The following ANKS1B variants were observed in gnomAD, a reference collection of about 807,000 sequenced individuals.
ANKS1B encodes the protein ankyrin repeat and sterile alpha motif domain containing 1B, also known as ankyrin repeat and sterile alpha motif domain-containing protein 1B.
In ANKS1B, 36 loss-of-function variants were observed where a neutral mutation model predicts 148.3. That is an observed-to-expected ratio of 0.24 (90% CI 0.19 to 0.32). ANKS1B has a LOEUF of 0.32. Ranked by LOEUF, ANKS1B falls within the 10% of genes least tolerant of loss-of-function variation. The probability of loss-of-function intolerance (pLI) is 1.00; values close to 1 mark genes in which losing one functional copy is unlikely to be tolerated. For missense variants in ANKS1B, 1,157 were observed against 1,542.6 expected, an observed-to-expected ratio of 0.75 and a Z score of 4.19; for synonymous variants, 542 against 560.8, an observed-to-expected ratio of 0.97 and a Z score of 0.47.
At chr12:99,270,615 A>T (rs1215263624) in intron 12 of ANKS1B, among the ~76,000 whole-genome samples, 2 of 152,178 alleles carry the variant, frequency 1.3e-5, no homozygotes, top group Admixed American at 1.3e-4. Context: ...GGTCCTTATA[A>T]TATCCTGTCT....
intron 12 of ANKS1B, among the ~76,000 whole-genome samples, chr12:99,259,803 C>G (rs1197333717): frequency 6.6e-6 from 1 of 152,246 alleles, no homozygotes; most frequent in Non-Finnish European, 1.5e-5. Context: ...CAACCACTAA[C>G]TTCTTTGTTT....
chr12:98,859,800 C>T (rs2099589383), intron 17 of ANKS1B, among the ~76,000 whole-genome samples: 1 of 152,134 alleles, frequency 6.6e-6, no homozygotes, highest in Admixed American at 6.5e-5. Context: ...AATGGGAAAG[C>T]TCTCTAAATT....
chr12:99,648,072 C>T, intron 9 of ANKS1B: 2 of 1,486,798 alleles, frequency 1.3e-6, no homozygotes, highest in Non-Finnish European at 1.8e-6. Context: ...AACACGACTG[C>T]TGGCCCACCT....
At chr12:98,854,529 T>C (rs1020852891) in intron 17 of ANKS1B, among the ~76,000 whole-genome samples, 17 of 152,126 alleles carry the variant, frequency 1.1e-4, no homozygotes, top group African/African-American at 4.1e-4. Context: ...AGGAAACAAG[T>C]TCAGGGAGGT....
At chr12:99,277,527 T>C (rs1273223115) in intron 12 of ANKS1B, among the ~76,000 whole-genome samples, 1 of 152,216 alleles carries the variant, frequency 6.6e-6, no homozygotes, top group Non-Finnish European at 1.5e-5. Context: ...TCTAAAGCTA[T>C]GTGTACACAT....
rs1224253992 is a variant in ANKS1B at position 98,751,940 on chromosome 12, A to G, written c.3580-418T>C. Among the ~76,000 whole-genome samples the G allele has an allele frequency of 6.6e-6, 1 of 152,248 alleles. No individual in the cohort carries two copies. The highest frequency in any genetic ancestry group is 1.9e-4 in the East Asian group (1 of 5,196). Reference sequence around the variant, plus strand: ...CTCTGCTCATGTGAGATAAATGCATATCAGATTGCTTCCCCTGTCCTGTTG... The same window carrying G: ...CTCTGCTCATGTGAGATAAATGCATGTCAGATTGCTTCCCCTGTCCTGTTG... On this transcript the variant is annotated intron_variant, in intron 25 of 26. Coordinates refer to ENST00000683438, the MANE Select transcript of ANKS1B (RefSeq NM_001352186.2). This position sits in a 1 kb window ranked among gnomAD's most constrained non-coding sequence, Gnocchi z 4.3.
At chr12:99,654,473 C>G (rs2098440449) in intron 9 of ANKS1B, among the ~76,000 whole-genome samples, 1 of 152,144 alleles carries the variant, frequency 6.6e-6, no homozygotes, top group African/African-American at 2.4e-5. Flanking sequence ...TTAGTCATTT[C>G]TGAAACTCCT....
At chr12:99,551,404 T>G (rs569423726) in intron 9 of ANKS1B, among the ~76,000 whole-genome samples, 3 of 152,196 alleles carry the variant, frequency 2.0e-5, no homozygotes, top group Admixed American at 6.5e-5. Flanking sequence ...ATCAAAGCAC[T>G]TTTCACATTG....
intron 17 of ANKS1B, among the ~76,000 whole-genome samples, chr12:98,956,747 T>C (rs137880665): frequency 3.9e-4 from 60 of 152,280 alleles, no homozygotes; most frequent in Admixed American, 3.2e-3. Context: ...CTTACAGTCG[T>C]CATACAGTAA....
At chr12:98,771,210 TC>T (rs2098560669) in intron 25 of ANKS1B, among the ~76,000 whole-genome samples, 1 of 152,100 alleles carries the variant, frequency 6.6e-6, no homozygotes, top group Non-Finnish European at 1.5e-5. Context: ...CACTCTGTAG[TC>T]CAGGCTGGAA....
chr12:99,266,913 T>C (rs2076502008), intron 12 of ANKS1B, among the ~76,000 whole-genome samples: 1 of 152,186 alleles, frequency 6.6e-6, no homozygotes, highest in African/African-American at 2.4e-5. Flanking sequence ...CAATAGTCCC[T>C]GTCAAAACGT....
At chr12:99,526,952 G>T (rs1270303481) in intron 9 of ANKS1B, among the ~76,000 whole-genome samples, 1 of 152,200 alleles carries the variant, frequency 6.6e-6, no homozygotes, top group Non-Finnish European at 1.5e-5. Context: ...GAAATCTGGA[G>T]ACAGACTTGT....
At chr12:98,814,730 C>G (rs2099125519) in intron 19 of ANKS1B, among the ~76,000 whole-genome samples, 1 of 152,114 alleles carries the variant, frequency 6.6e-6, no homozygotes, top group Non-Finnish European at 1.5e-5. Flanking sequence ...ATTGCAAAGC[C>G]TCATTTAGTT....
intron 4 of ANKS1B, among the ~76,000 whole-genome samples, chr12:99,797,425 A>G (rs2066384742): frequency 6.6e-6 from 1 of 151,994 alleles, no homozygotes; most frequent in African/African-American, 2.4e-5. Context: ...ATTTTACAAG[A>G]AAGTAGGAAG....
At chr12:99,180,611 T>C (rs749258847) in intron 14 of ANKS1B, among the ~76,000 whole-genome samples, 2 of 150,940 alleles carry the variant, frequency 1.3e-5, no homozygotes, top group Non-Finnish European at 2.9e-5. Flanking sequence ...TGGGGAAAGT[T>C]CTTTGAGGGA....
At chr12:99,730,563 A>G (rs1337734662) in intron 8 of ANKS1B, among the ~76,000 whole-genome samples, 1 of 152,152 alleles carries the variant, frequency 6.6e-6, no homozygotes, top group African/African-American at 2.4e-5. Flanking sequence ...GCATCTCATG[A>G]GTGGGGAGCT....
chr12:99,088,765 C>T (rs1242545168), intron 15 of ANKS1B, among the ~76,000 whole-genome samples: 3 of 150,654 alleles, frequency 2.0e-5, no homozygotes, highest in Non-Finnish European at 2.9e-5. Flanking sequence ...CCCATTCTTC[C>T]TAGGGAGCTG....
At position 98,894,910 on chromosome 12, in the gene ANKS1B, C is replaced by G. The variant is rs1406125733; in HGVS notation, c.2779-62774G>C. On this transcript the variant is annotated intron_variant, in intron 17 of 26. Coordinates refer to ENST00000683438, the MANE Select transcript of ANKS1B (RefSeq NM_001352186.2). Reference sequence around the variant, plus strand: ...CGCGCCCCCCACTGCCCCCGCCCCCCGCGCGGCGCGTGCCCCCCACCCCCC... The same window carrying G: ...CGCGCCCCCCACTGCCCCCGCCCCCGGCGCGGCGCGTGCCCCCCACCCCCC... 8 of 951,104 alleles carry G rather than the reference C, an allele frequency of 8.4e-6. No individual in the cohort carries two copies. The African/African-American group carries it at 8.9e-5, about 11-fold the overall frequency. 58.9% of individuals were successfully genotyped at this position (951,104 alleles called of 1,614,324 possible). A position where few individuals can be genotyped will look rare whatever the true frequency, so the allele number is the denominator to read the frequency against.
At chr12:99,850,369 CTTAT>C (rs1171512155) in intron 1 of ANKS1B, among the ~76,000 whole-genome samples, 1 of 149,002 alleles carries the variant, frequency 6.7e-6, no homozygotes, top group Non-Finnish European at 1.5e-5. Flanking sequence ...CCTAGCTGAC[CTTAT>C]TTATTATTTA....
Sources: allele counts gnomAD v4.1 joint callset (sites outside exome capture counted in the v4.1 genomes callset), GRCh38; gene constraint gnomAD v4.1.1; non-coding constraint Gnocchi (gnomAD v3.1); transcripts MANE v1.5; gene names NCBI Gene and HGNC (gene_info 2026-07-23, HGNC 2026-07-21).